Variants in WWOX observed in about 807,000 individuals in gnomAD.
WWOX encodes WW domain containing oxidoreductase, also known as WW domain-containing oxidoreductase.
In WWOX, 69 loss-of-function variants were observed where a neutral mutation model predicts 46.2. The observed-to-expected ratio is 1.49, with a 90% CI of 1.23 to 1.82. WWOX has a LOEUF of 1.82. Among genes scored for constraint, WWOX ranks in the 40% most tolerant of loss-of-function variants. The probability of loss-of-function intolerance (pLI) is 0.00; values close to 1 mark genes in which losing one functional copy is unlikely to be tolerated. For synonymous variants in WWOX, 359 were observed against 202.6 expected, an observed-to-expected ratio of 1.77 and a Z score of -6.56; for missense variants, 919 against 542.6, an observed-to-expected ratio of 1.69 and a Z score of -6.89.
intron 8 of WWOX, among the ~76,000 whole-genome samples, chr16:78,544,751 T>C (rs900618222): frequency 4.0e-5 from 6 of 151,868 alleles, no homozygotes; most frequent in Non-Finnish European, 8.8e-5. Context: ...TGTGCACTCC[T>C]GTGGTTCCAG....
Position 78,466,484 on chromosome 16 carries a change from A to G in WWOX, c.1056+33732A>G, listed in dbSNP as rs537141872. 5.2e-4 allele frequency among the ~76,000 whole-genome samples: 79 copies of G among 152,346 alleles called. 1 individual carries two copies. The highest frequency in any genetic ancestry group is 1.8e-3 in the African/African-American group (76 of 41,594). On this transcript the variant is annotated intron_variant, in intron 8 of 8. Coordinates refer to ENST00000566780, the MANE Select transcript of WWOX (RefSeq NM_016373.4). ...CATCTCAGCAAAAAGAGGCTAACAC[A>G]TAAGGAGACATATTTTGATACATGT...
At chr16:78,384,206 C>A (rs909374282) in intron 5 of WWOX, among the ~76,000 whole-genome samples, 1 of 152,294 alleles carries the variant, frequency 6.6e-6, no homozygotes, top group African/African-American at 2.4e-5. Context: ...TTACCACCCC[C>A]TCCACAGCAT....
intron 5 of WWOX, chr16:78,355,584 A>G: frequency 2.0e-6 from 1 of 501,176 alleles, no homozygotes; most frequent in Non-Finnish European, 4.0e-6. Context: ...GATCCCCTGG[A>G]TCTTAGGCTC....
intron 4 of WWOX, among the ~76,000 whole-genome samples, chr16:78,124,735 T>C (rs911413030): frequency 6.6e-6 from 1 of 152,212 alleles, no homozygotes. Context: ...GTTTTAAGTC[T>C]TTGAGTTATT....
At chr16:79,155,278 A>G (rs572115162) in intron 8 of WWOX, among the ~76,000 whole-genome samples, 2 of 152,300 alleles carry the variant, frequency 1.3e-5, no homozygotes, top group Admixed American at 1.3e-4. Context: ...CGGGAGGCCG[A>G]GGCAGGAGAA....
intron 8 of WWOX, among the ~76,000 whole-genome samples, chr16:78,974,794 G>A (rs965955262): frequency 6.6e-6 from 1 of 152,094 alleles, no homozygotes; most frequent in African/African-American, 2.4e-5. Flanking sequence ...GGATGTTTAG[G>A]GCGTAATCTT....
intron 8 of WWOX, among the ~76,000 whole-genome samples, chr16:78,802,645 G>A (rs570584617): frequency 2.0e-5 from 3 of 151,986 alleles, no homozygotes; most frequent in Non-Finnish European, 4.4e-5. Flanking sequence ...GCTGGCCACC[G>A]TGCCTCATGC....
chr16:78,961,101 G>A (rs780496833), intron 8 of WWOX, among the ~76,000 whole-genome samples: 2 of 152,076 alleles, frequency 1.3e-5, no homozygotes, highest in African/African-American at 4.8e-5. Context: ...CATGGTGCAA[G>A]TTCCCCTGAA....
chr16:78,852,034 G>C (rs919070961), intron 8 of WWOX, among the ~76,000 whole-genome samples: 1 of 152,148 alleles, frequency 6.6e-6, no homozygotes, highest in Non-Finnish European at 1.5e-5. Flanking sequence ...CCACAATCAA[G>C]AGTGACTTGA....
intron 8 of WWOX, among the ~76,000 whole-genome samples, chr16:78,725,415 T>C (rs1338817863): frequency 7.1e-6 from 1 of 140,158 alleles, no homozygotes; most frequent in East Asian, 2.2e-4. Context: ...TGGTGCAATC[T>C]GGGCTCCCTG....
intron 8 of WWOX, among the ~76,000 whole-genome samples, chr16:78,444,850 A>T (rs555885587): frequency 2.0e-5 from 3 of 152,144 alleles, no homozygotes; most frequent in Non-Finnish European, 4.4e-5. Context: ...AGTTCTTTCA[A>T]TGGAATATAT....
chr16:78,988,416 C>T (rs1405803065), intron 8 of WWOX, among the ~76,000 whole-genome samples: 2 of 151,276 alleles, frequency 1.3e-5, no homozygotes. Context: ...TGGCTGTCAC[C>T]ATCCTTGGCC....
At chr16:79,065,664 C>T (rs78574999) in intron 8 of WWOX, among the ~76,000 whole-genome samples, 1 of 152,212 alleles carries the variant, frequency 6.6e-6, no homozygotes. Flanking sequence ...TCAGACCCCT[C>T]TCCTAATCCT....
chr16:78,722,755 G>A (rs2048725754), intron 8 of WWOX, among the ~76,000 whole-genome samples: 1 of 145,044 alleles, frequency 6.9e-6, no homozygotes, highest in Admixed American at 7.0e-5. Context: ...AAGATCCTGT[G>A]AAGAGCTGGG....
chr16:78,393,878 G>A lies in WWOX; in HGVS notation c.605+6930G>A, dbSNP rs551228049. Among the ~76,000 whole-genome samples the A allele has an allele frequency of 4.1e-4, 63 of 151,838 alleles. 1 individual carries two copies. The highest frequency in any genetic ancestry group is 6.9e-4 in the Non-Finnish European group (47 of 67,928). ...AAAAAAAGGTTAAAATAACGGTTTT[G>A]TATCCTTGCTTTACTTCTTAAACAT... On this transcript the variant is annotated intron_variant, in intron 6 of 8. Coordinates refer to ENST00000566780, the MANE Select transcript of WWOX (RefSeq NM_016373.4).
intron 6 of WWOX, among the ~76,000 whole-genome samples, chr16:78,401,489 C>T (rs938814257): frequency 4.6e-5 from 7 of 152,078 alleles, no homozygotes; most frequent in Non-Finnish European, 7.4e-5. Flanking sequence ...TGATGAAACT[C>T]GCTGTATCTT....
intron 8 of WWOX, among the ~76,000 whole-genome samples, chr16:78,676,804 A>G (rs2047610215): frequency 6.6e-6 from 1 of 152,210 alleles, no homozygotes; most frequent in Admixed American, 6.5e-5. Context: ...TTGAATACTG[A>G]TGAACTTTAC....
At position 79,212,173 on chromosome 16, in the gene WWOX, C is replaced by G; in HGVS notation, c.*377C>G. On this transcript the variant is annotated 3_prime_UTR_variant, in exon 9 of 9. Coordinates refer to ENST00000566780, the MANE Select transcript of WWOX (RefSeq NM_016373.4). ...CATCCAGCTACCACCACGGCCACCA[C>G]TGCAGCCGGGGGCTGGCCTTCTCCT... is the stretch of plus-strand genomic sequence containing the variant. The G allele has an allele frequency of 6.8e-6, 10 of 1,480,842 alleles. No individual in the cohort carries two copies. Among genetic ancestry groups the G allele is most frequent in the Non-Finnish European group, 8.0e-6 (9 of 1,124,978 alleles). 91.7% of individuals were successfully genotyped at this position (1,480,842 alleles called of 1,614,324 possible). A position where few individuals can be genotyped will look rare whatever the true frequency, so the allele number is the denominator to read the frequency against.
intron 8 of WWOX, among the ~76,000 whole-genome samples, chr16:78,693,592 T>A (rs7359487): frequency 0.17 from 25,102 of 152,080 alleles, 5,863 homozygotes; most frequent in African/African-American, 0.52. Context: ...TCTAGGGCAG[T>A]GGAGACAATG....
Sources: gnomAD v4.1 joint callset for allele counts (sites outside exome capture counted in the v4.1 genomes callset) on GRCh38, gnomAD v4.1.1 for gene constraint, MANE v1.5 for transcripts, NCBI Gene and HGNC (gene_info 2026-07-23, HGNC 2026-07-21) for gene names.